The following CCDC102A variants were observed in gnomAD, a reference collection of about 807,000 sequenced individuals.
CCDC102A encodes the protein coiled-coil domain-containing protein 102A.
Under a neutral mutation model 55.5 loss-of-function variants are expected in CCDC102A, and 40 were observed. The ratio of observed to expected loss-of-function variants is 0.72; its 90% confidence interval spans 0.56 to 0.94. The LOEUF is 0.94. CCDC102A is among the 40% of genes least tolerant of loss of function. CCDC102A has a pLI of 0.00. For synonymous variants in CCDC102A, 323 were observed against 339.0 expected (o/e 0.95, Z 0.52); for missense variants, 779 against 768.6 (o/e 1.01, Z -0.16).
chr16:57,527,172 G>GT (rs2032151500), intron 2 of CCDC102A, among the ~76,000 whole-genome samples: 1 of 103,706 alleles, frequency 9.6e-6, no homozygotes, highest in African/African-American at 8.9e-5. Flanking sequence ...CAGAATAGAG[G>GT]AGGGGCAGTC....
intron 4 of CCDC102A, among the ~76,000 whole-genome samples, chr16:57,520,000 C>A (rs2032018757): frequency 6.6e-6 from 1 of 152,172 alleles, no homozygotes; most frequent in Non-Finnish European, 1.5e-5. Flanking sequence ...TGCTCTGAGC[C>A]CCCACACTGC....
intron 3 of CCDC102A, 117 bp from the exon 4 acceptor site, chr16:57,521,293 G>C (rs1387771290): frequency 1.3e-6 from 1 of 755,008 alleles, no homozygotes; most frequent in South Asian, 1.6e-5. Flanking sequence ...CAAAATCCTT[G>C]CCTTGGTATT....
At chr16:57,515,244 G>A (rs1040255761) in intron 8 of CCDC102A, 97 bp downstream of exon 8, 10 of 777,470 alleles carry the variant, frequency 1.3e-5, no homozygotes, top group East Asian at 2.7e-5. Flanking sequence ...CTCTTCCTTC[G>A]TCTCCCCCTC....
At chr16:57,533,452 TCA>T (rs1210992812) in intron 1 of CCDC102A, among the ~76,000 whole-genome samples, 2 of 148,496 alleles carry the variant, frequency 1.3e-5, no homozygotes, top group Admixed American at 6.7e-5. Flanking sequence ...GGACACACAC[TCA>T]CATACAGCCC....
chr16:57,512,555 A>G lies in CCDC102A; in HGVS notation c.*186T>C, dbSNP rs2031883304. 4.5e-6 allele frequency: 3 copies of G among 663,054 alleles called. No individual in the cohort carries two copies. The highest frequency in any genetic ancestry group is 4.2e-5 in the South Asian group (2 of 47,372). The allele number at this position is 663,054 out of a possible 1,614,324, so 41.1% of individuals were successfully genotyped here. A position where few individuals can be genotyped will look rare whatever the true frequency, so the allele number is the denominator to read the frequency against. Reference sequence around the variant, plus strand: ...GTGTGTGTATATATATATATAAAACATAGGCTTCCTTTCCACAGGGCGTTG... The same window carrying G: ...GTGTGTGTATATATATATATAAAACGTAGGCTTCCTTTCCACAGGGCGTTG... On this transcript the variant is annotated 3_prime_UTR_variant, in exon 9 of 9. Coordinates refer to ENST00000258214, the MANE Select transcript of CCDC102A (RefSeq NM_033212.4).
chr16:57,534,600 T>G (rs1347572334), intron 1 of CCDC102A, among the ~76,000 whole-genome samples: 1 of 152,154 alleles, frequency 6.6e-6, no homozygotes, highest in Non-Finnish European at 1.5e-5. Flanking sequence ...AAGGCCTTAC[T>G]TTGAAGTCCA....
At position 57,528,617 on chromosome 16, in the gene CCDC102A, C is replaced by T. The variant is rs368517752; in HGVS notation, c.561G>A (p.Gly187=). The change falls in exon 2 of 9, where the codon GGG becomes GGA. Residue 187 remains glycine, a synonymous_variant. Coordinates refer to ENST00000258214, the MANE Select transcript of CCDC102A (RefSeq NM_033212.4). The stretch of plus-strand genomic sequence containing the variant: ...CCTGGCTGCCTGGCGGCCTCTCGGA[C>T]CCGACGTCACGCACTGGCTCGCGCT... ...EAEREPVRDV[G]SERPPGSQEL... The T allele has an allele frequency of 3.9e-5, 50 of 1,282,208 alleles. 1 individual carries two copies. In the African/African-American group the frequency reaches 6.6e-4, roughly 17 times the overall value. 79.4% of individuals were successfully genotyped at this position (1,282,208 alleles called of 1,614,324 possible).
Position 57,512,212 on chromosome 16 carries a change from C to A in CCDC102A, c.*529G>T. On this transcript the variant is annotated 3_prime_UTR_variant, in exon 9 of 9. Transcript: ENST00000258214. ...TTCACTCATTTATTAAGTTACTTGA[C>A]ATTCCTGAGCTCTGGTTCAGCGTCA... 2 of 388,086 alleles carry A rather than the reference C, an allele frequency of 5.2e-6. No homozygotes were observed. The highest frequency in any genetic ancestry group is 9.1e-6 in the Non-Finnish European group (2 of 220,272). 24.0% of individuals were successfully genotyped at this position (388,086 alleles called of 1,614,324 possible). A position where few individuals can be genotyped will look rare whatever the true frequency, so the allele number is the denominator to read the frequency against.
chr16:57,515,472 C>T (rs753899045), intron 7 of CCDC102A, 28 bp from the exon 8 acceptor site: 15 of 1,494,394 alleles, frequency 1.0e-5, no homozygotes, highest in East Asian at 9.2e-5. Flanking sequence ...GCCGAAAGCA[C>T]GAGGGTCACC....
In CCDC102A at chr16:57,532,925, G is replaced by A. The variant is rs76949753; in HGVS notation, c.-148+3575C>T. ...TGTCTGCTGGGCCCTTCTTGCAGCC[G>A]CTGAACTAGGAGCCTGGCAGGGAGG... is the stretch of plus-strand genomic sequence containing the variant. On this transcript the variant is annotated intron_variant, in intron 1 of 8. Transcript: ENST00000258214. Among the ~76,000 whole-genome samples, 793 of 152,306 alleles carry A rather than the reference G, an allele frequency of 5.2e-3. 27 individuals carry two copies. The East Asian group carries it at 0.1, about 20-fold the overall frequency.
upstream of CCDC102A, among the ~76,000 whole-genome samples, chr16:57,536,908 G>A (rs1224140463): frequency 6.6e-6 from 1 of 152,150 alleles, no homozygotes; most frequent in African/African-American, 2.4e-5. Context: ...CGGCCACCGC[G>A]GGTCCCAGCT....
rs72791614 is a variant in CCDC102A, at chr16:57,516,087, T to C, written c.1419+206A>G. On this transcript the variant is annotated intron_variant, in intron 7 of 8. Coordinates refer to ENST00000258214, the MANE Select transcript of CCDC102A (RefSeq NM_033212.4). The surrounding 1 kb of genome is among the most constrained non-coding windows in gnomAD (Gnocchi z 4.4). ...ATGCACACATCCATCTTGTCTTCTGTTCATTTTTCTTCCCATCTTCCCACC... is the reference window on the plus strand; with the variant it reads ...ATGCACACATCCATCTTGTCTTCTGCTCATTTTTCTTCCCATCTTCCCACC... 5.5e-3 allele frequency among the ~76,000 whole-genome samples: 836 copies of C among 152,298 alleles called. 5 individuals are homozygous for C. Among genetic ancestry groups the C allele is most frequent in the Non-Finnish European group, 8.7e-3 (591 of 68,026 alleles).
Position 57,525,904 on chromosome 16 carries a change from C to G in CCDC102A, c.809G>C (p.Arg270Pro), listed in dbSNP as rs748050942. 6.2e-7 allele frequency: 1 copy of G among 1,612,120 alleles called. No homozygotes were observed. The highest frequency in any genetic ancestry group is 1.7e-5 in the Admixed American group (1 of 59,384). Reference protein sequence around the residue: ...DESQKVLLKEREDKLALSRNI... With the variant: ...DESQKVLLKEPEDKLALSRNI... Reference sequence around the variant, plus strand: ...CCTCCCGCCTCCCACGACTCACTCTCGCTCCTTGAGCAGCACCTTCTGGGA... The same window carrying G: ...CCTCCCGCCTCCCACGACTCACTCTGGCTCCTTGAGCAGCACCTTCTGGGA... Residue 270 changes from arginine to proline, a missense_variant, in exon 3 of 9, where the codon CGA becomes CCA. By Grantham distance (103) the Arg-to-Pro change is moderately radical (BLOSUM62 -2). Transcript: ENST00000258214.
At position 57,521,116 on chromosome 16, in the gene CCDC102A, C is replaced by G; in HGVS notation, c.873G>C (p.Lys291Asn). The G allele has an allele frequency of 6.2e-7, 1 of 1,613,704 alleles. No individual in the cohort carries two copies. Among genetic ancestry groups the G allele is most frequent in the Non-Finnish European group, 8.5e-7 (1 of 1,180,008 alleles). ...EKLEGELSQW[K>N]IKYEELSKTK... ...TCTTGCTCAGCTCCTCATACTTGAT[C>G]TTCCACTGGCTGAGCTCCCCCTCTA... is the stretch of plus-strand genomic sequence containing the variant. Residue 291 changes from lysine (K) to asparagine (N), a missense_variant, in exon 4 of 9, where the codon AAG becomes AAC. Lys to Asn is a moderately conservative substitution (Grantham distance 94, BLOSUM62 0). Transcript: ENST00000258214.
At chr16:57,530,975 AG>A (rs1307521003) in intron 1 of CCDC102A, among the ~76,000 whole-genome samples, 1 of 151,250 alleles carries the variant, frequency 6.6e-6, no homozygotes, top group African/African-American at 2.4e-5. Context: ...CTTCCTCTCC[AG>A]GTTTCCCCTC....
intron 3 of CCDC102A, among the ~76,000 whole-genome samples, chr16:57,525,598 C>G (rs2032125058): frequency 6.6e-6 from 1 of 152,306 alleles, no homozygotes; most frequent in Non-Finnish European, 1.5e-5. Context: ...TTACCCTGCC[C>G]ACAGCCCTCT....
intron 4 of CCDC102A, among the ~76,000 whole-genome samples, chr16:57,520,536 AATAACATAACATAACATAAC>A (rs56888001): frequency 9.7e-4 from 121 of 124,712 alleles, no homozygotes; most frequent in Admixed American, 1.5e-3. Context: ...ACTCAGAAAA[AATAACATAACATAACATAAC>A]ATAACATAAC....
At position 57,512,255 on chromosome 16, in the gene CCDC102A, T is replaced by A; in HGVS notation, c.*486A>T. The A allele has an allele frequency of 2.5e-6, 1 of 396,148 alleles. No homozygotes were observed. The highest frequency in any genetic ancestry group is 4.4e-6 in the Non-Finnish European group (1 of 225,180). 24.5% of individuals were successfully genotyped at this position (396,148 alleles called of 1,614,324 possible). On this transcript the variant is annotated 3_prime_UTR_variant, in exon 9 of 9. Transcript: ENST00000258214. ...CAGCGTCAGGTGCAGGCCGATGCCG[T>A]CCCCCACAACCCCCGCCCACATCTG...
Position 57,512,291 on chromosome 16 carries a change from A to T in CCDC102A, c.*450T>A. 2.5e-6 allele frequency: 1 copy of T among 397,684 alleles called. No individual in the cohort carries two copies. The highest frequency in any genetic ancestry group is 4.4e-6 in the Non-Finnish European group (1 of 225,880). The allele number at this position is 397,684 out of a possible 1,614,324, so 24.6% of individuals were successfully genotyped here. ...CCCCGCCCACATCTGCCATACTTTC[A>T]GATGCCCCAAGAACTTGAACTTCAT... On this transcript the variant is annotated 3_prime_UTR_variant, in exon 9 of 9. Transcript: ENST00000258214.
Sources: gnomAD v4.1 joint callset for allele counts (sites outside exome capture counted in the v4.1 genomes callset) on GRCh38, gnomAD v4.1.1 for gene constraint, Gnocchi (gnomAD v3.1) non-coding constraint, MANE v1.5 for transcripts, NCBI Gene and HGNC (gene_info 2026-07-23, HGNC 2026-07-21) for gene names.